Variants in ROCK1 observed in about 807,000 individuals in gnomAD.
ROCK1 encodes Rho associated coiled-coil containing protein kinase 1.
ROCK1 carries 36 observed loss-of-function variants against 196.8 expected under a neutral mutation model. The ratio of observed to expected loss-of-function variants is 0.18; its 90% CI spans 0.14 to 0.24. The LOEUF (loss-of-function observed/expected upper bound fraction) is 0.24. ROCK1 is among the 10% of genes least tolerant of loss of function. ROCK1 has a pLI of 1.00. For synonymous variants in ROCK1, 443 were observed against 515.9 expected, an observed-to-expected ratio of 0.86 and a Z score of 1.91; for missense variants, 920 against 1,562.0, an observed-to-expected ratio of 0.59 and a Z score of 6.93.
At chr18:21,100,783 T>C (rs1380713142) in intron 1 of ROCK1, among the ~76,000 whole-genome samples, 2 of 152,100 alleles carry the variant, frequency 1.3e-5, no homozygotes, top group Non-Finnish European at 2.9e-5. Context: ...CCTTAATACT[T>C]GATCCACAAG....
intron 21 of ROCK1, among the ~76,000 whole-genome samples, chr18:20,981,258 G>A (rs2035530339): frequency 6.6e-6 from 1 of 152,002 alleles, no homozygotes; most frequent in Non-Finnish European, 1.5e-5. Context: ...GCTAGGCATG[G>A]TGGCGGGCGC....
intron 11 of ROCK1, among the ~76,000 whole-genome samples, chr18:21,021,078 A>G (rs1474430159): frequency 2.6e-5 from 4 of 152,212 alleles, no homozygotes; most frequent in Non-Finnish European, 5.9e-5. Flanking sequence ...GGCAGAGGCT[A>G]CAGGAATGAA....
At chr18:21,050,028 T>C in intron 2 of ROCK1, 148 bp from the exon 3 acceptor site, 1 of 491,894 alleles carries the variant, frequency 2.0e-6, no homozygotes, top group South Asian at 3.4e-5. Context: ...CTTGAAGCTA[T>C]AAAGTAGCTA....
intron 16 of ROCK1, among the ~76,000 whole-genome samples, chr18:20,999,254 A>G (rs895750877): frequency 7.9e-5 from 12 of 152,328 alleles, no homozygotes; most frequent in Middle Eastern, 3.4e-3. Context: ...AAAATTTACA[A>G]AAAGGCATAA....
In ROCK1 at chr18:21,039,683, G is replaced by A. The variant is rs1356148112; in HGVS notation, c.960-120C>T. ...AGGACGACAAATATAGTTCTAAGGT[G>A]AAATTATATTGTCAGCATAGTATCA... On this transcript the variant is annotated intron_variant, in intron 8 of 32. Transcript: ENST00000399799. 8 of 653,544 alleles carry A rather than the reference G, an allele frequency of 1.2e-5. No individual in the cohort carries two copies. In the African/African-American group the frequency reaches 1.5e-4, roughly 12 times the overall value. 40.5% of individuals were successfully genotyped at this position (653,544 alleles called of 1,614,324 possible).
intron 4 of ROCK1, among the ~76,000 whole-genome samples, chr18:21,046,158 C>T (rs2036156393): frequency 6.6e-6 from 1 of 152,124 alleles, no homozygotes; most frequent in Admixed American, 6.5e-5. Context: ...GATCCGCCCA[C>T]CCTGGCCTCC....
At chr18:21,006,191 A>C (rs2035766936) in intron 16 of ROCK1, among the ~76,000 whole-genome samples, 160 bp downstream of exon 16, 1 of 152,328 alleles carries the variant, frequency 6.6e-6, no homozygotes, top group East Asian at 1.9e-4. Flanking sequence ...AAAAAGCCAG[A>C]CGCAAAAGGA....
At chr18:21,075,113 T>C (rs1284334442) in intron 1 of ROCK1, among the ~76,000 whole-genome samples, 1 of 152,204 alleles carries the variant, frequency 6.6e-6, no homozygotes, top group Non-Finnish European at 1.5e-5. Context: ...CCACAGGAAT[T>C]TCTGCGGGGG....
intron 1 of ROCK1, among the ~76,000 whole-genome samples, chr18:21,099,433 A>G (rs990039541): frequency 2.0e-4 from 31 of 152,202 alleles, no homozygotes; most frequent in African/African-American, 7.5e-4. Flanking sequence ...TATATCTGAT[A>G]TAGTTTTAAC....
Position 20,949,231 on chromosome 18 carries a change from T to G in ROCK1, c.*2153A>C, listed in dbSNP as rs928147996. ...ACCTTAAAATATTAGGTAATGGTGA[T>G]GAGTCTGAGAAGGTAGTAAGGACAC... On this transcript the variant is annotated 3_prime_UTR_variant, in exon 33 of 33. Coordinates refer to ENST00000399799, the MANE Select transcript of ROCK1 (RefSeq NM_005406.3). The G allele has an allele frequency of 6.6e-6, 1 of 152,110 alleles. No individual in the cohort carries two copies. The highest frequency in any genetic ancestry group is 1.5e-5 in the Non-Finnish European group (1 of 68,008). 9.4% of individuals were successfully genotyped at this position (152,110 alleles called of 1,614,324 possible).
rs763593419 is a variant in ROCK1, at chr18:20,959,943, AG to A, written c.3424-16del. On this transcript the variant is annotated splice_polypyrimidine_tract_variant and intron_variant, in intron 28 of 32. Coordinates refer to ENST00000399799, the MANE Select transcript of ROCK1 (RefSeq NM_005406.3). ...ACCACAACATACTGAAATAAGAAAA[AG>A]GGGGGAAGAGTTACAAGAGCAACAT... The A allele has an allele frequency of 2.0e-6, 3 of 1,494,378 alleles. No homozygotes were observed. Among genetic ancestry groups the A allele is most frequent in the Non-Finnish European group, 2.8e-6 (3 of 1,077,970 alleles). The allele number at this position is 1,494,378 out of a possible 1,614,324, so 92.6% of individuals were successfully genotyped here.
intron 27 of ROCK1, among the ~76,000 whole-genome samples, chr18:20,962,011 T>C (rs1226953415): frequency 1.3e-5 from 2 of 152,086 alleles, no homozygotes; most frequent in Non-Finnish European, 2.9e-5. Context: ...GCAAGGACCA[T>C]ATCTTAACAC....
At chr18:20,993,724 G>C (rs2035646482) in intron 16 of ROCK1, among the ~76,000 whole-genome samples, 1 of 152,162 alleles carries the variant, frequency 6.6e-6, no homozygotes, top group Non-Finnish European at 1.5e-5. Flanking sequence ...TGCAATGGTA[G>C]TAACTCATAT....
At chr18:21,107,913 G>A (rs1177559889) in intron 1 of ROCK1, among the ~76,000 whole-genome samples, 2 of 152,070 alleles carry the variant, frequency 1.3e-5, no homozygotes. Context: ...AATTAGCCAG[G>A]CGTGGTAGTG....
At chr18:20,963,126 A>G (rs911963095) in intron 27 of ROCK1, among the ~76,000 whole-genome samples, 3 of 152,144 alleles carry the variant, frequency 2.0e-5, no homozygotes, top group African/African-American at 7.2e-5. Context: ...CCTTAATAAT[A>G]TTCTACATAT....
Position 20,959,191 on chromosome 18 carries a change from A to T in ROCK1, c.3512+649T>A, listed in dbSNP as rs1228963368. 3.7e-4 allele frequency among the ~76,000 whole-genome samples: 25 copies of T among 66,952 alleles called. 1 individual carries two copies. The Admixed American group carries it at 5.0e-3, about 13-fold the overall frequency. 43.9% of individuals were successfully genotyped at this position (66,952 alleles called of 152,430 possible). On this transcript the variant is annotated intron_variant, in intron 29 of 32. Coordinates refer to ENST00000399799, the MANE Select transcript of ROCK1 (RefSeq NM_005406.3). ...ATATAATATATATAATATTATATAT[A>T]ATATATATAATACATATAATATATA...
chr18:20,970,202 A>G (rs2035412933), intron 23 of ROCK1, 146 bp downstream of exon 23: 3 of 545,694 alleles, frequency 5.5e-6, no homozygotes, highest in Non-Finnish European at 9.4e-6. Flanking sequence ...TATTATACAA[A>G]CTATTTTATA....
Position 20,992,934 on chromosome 18 carries a change from C to A in ROCK1, c.1889G>T (p.Arg630Leu), listed in dbSNP as rs1163117060. 1 of 1,602,776 alleles carries A rather than the reference C, an allele frequency of 6.2e-7. No homozygotes were observed. The highest frequency in any genetic ancestry group is 1.3e-5 in the African/African-American group (1 of 74,626). ...DSEMIGDLQA[R>L]ITSLQEEVKH... ...CACCTCCTCTTGTAAAGATGTAATT[C>A]GAGCTATCAAGTGAGAAAAAAGTTC... The change falls in exon 17 of 33, where the codon CGA becomes CTA. Residue 630 changes from arginine (R) to leucine (L), a missense_variant. Arg to Leu is a moderately radical substitution (Grantham distance 102). Transcript: ENST00000399799.
intron 1 of ROCK1, among the ~76,000 whole-genome samples, chr18:21,072,461 G>A (rs1401982596): frequency 1.3e-5 from 2 of 152,164 alleles, no homozygotes; most frequent in Non-Finnish European, 2.9e-5. Context: ...TTTTAATGCA[G>A]TGGAAAAGCT....
Sources: gnomAD v4.1 joint callset for allele counts (sites outside exome capture counted in the v4.1 genomes callset) on GRCh38, gnomAD v4.1.1 for gene constraint, MANE v1.5 for transcripts, NCBI Gene and HGNC (gene_info 2026-07-23, HGNC 2026-07-21) for gene names.